Variants in NHSL2 observed in about 807,000 individuals in gnomAD.
NHSL2 encodes NHS like 2.
In NHSL2, 27 loss-of-function variants were observed where a neutral mutation model predicts 53.4. The ratio of observed to expected loss-of-function variants is 0.51; its 90% CI spans 0.37 to 0.70. The LOEUF (loss-of-function observed/expected upper bound fraction) is 0.70. Among genes scored for constraint, NHSL2 ranks in the 30% least tolerant of loss-of-function variants. NHSL2 has a pLI of 0.00. For missense variants in NHSL2, 892 were observed against 980.1 expected (o/e 0.91, Z 1.20); for synonymous variants, 408 against 404.1 (o/e 1.01, Z -0.12).
At chrX:71,944,306 G>A (rs2041782437) in intron 1 of NHSL2, among the ~76,000 whole-genome samples, 1 of 112,432 alleles carries the variant, frequency 8.9e-6, no homozygotes, top group Admixed American at 9.4e-5. Flanking sequence ...CAAGGAAGAA[G>A]GTGCAGAGGA....
intron 1 of NHSL2, among the ~76,000 whole-genome samples, chrX:72,062,256 G>A (rs994581391): frequency 1.8e-5 from 2 of 112,154 alleles, no homozygotes; most frequent in Non-Finnish European, 3.8e-5. Flanking sequence ...TGGATATATC[G>A]TCTATTAGGG....
intron 1 of NHSL2, among the ~76,000 whole-genome samples, chrX:72,061,664 T>G (rs2042399788): frequency 8.9e-6 from 1 of 112,056 alleles, no homozygotes; most frequent in Admixed American, 9.5e-5. Context: ...TTGCTTAAAA[T>G]GCTCTAATGG....
chrX:72,098,252 G>C (rs1000787031), intron 1 of NHSL2, among the ~76,000 whole-genome samples: 8 of 111,912 alleles, frequency 7.1e-5, no homozygotes, highest in African/African-American at 2.6e-4. Flanking sequence ...GAAAGAGAAG[G>C]TTTGGAAAGA....
In NHSL2 at chrX:72,049,015, G is replaced by GAAGAAGAAGAAGAAGAAGAAGAA. The variant is rs766144046; in HGVS notation, c.281-83064_281-83063insAAGAAGAAGAAGAAGAAGAAGAA. Among the ~76,000 whole-genome samples, 712 of 82,507 alleles carry GAAGAAGAAGAAGAAGAAGAAGAA rather than the reference G, an allele frequency of 8.6e-3. 21 individuals carry two copies. Among genetic ancestry groups the GAAGAAGAAGAAGAAGAAGAAGAA allele is most frequent in the African/African-American group, 0.044 (578 of 13,135 alleles). The allele number at this position is 82,507 out of a possible 115,157, so 71.6% of individuals were successfully genotyped here. ...AAGAAGAAGAAGAAGAAGAAGAAGA[G>GAAGAAGAAGAAGAAGAAGAAGAA]GAAGAGGAAGAGGAAGAGGAAGAGG... On this transcript the variant is annotated intron_variant, in intron 1 of 7. Transcript: ENST00000633930.
chrX:72,064,545 G>A (rs1055981242), intron 1 of NHSL2, among the ~76,000 whole-genome samples: 5 of 112,184 alleles, frequency 4.5e-5, no homozygotes, highest in African/African-American at 1.3e-4. Context: ...GGTAGTTCTT[G>A]TCCCAGCTCT....
chrX:71,957,450 T>TA (rs1295520563), intron 1 of NHSL2, among the ~76,000 whole-genome samples: 8 of 112,202 alleles, frequency 7.1e-5, no homozygotes, highest in Admixed American at 2.8e-4. Flanking sequence ...GTATTTTTAG[T>TA]AGAGATGGGG....
At chrX:71,941,284 A>G (rs2041764631) in intron 1 of NHSL2, among the ~76,000 whole-genome samples, 1 of 111,878 alleles carries the variant, frequency 8.9e-6, no homozygotes, top group African/African-American at 3.3e-5. Context: ...GAGTGATTCT[A>G]TGGGTCATTG....
intron 1 of NHSL2, among the ~76,000 whole-genome samples, chrX:71,959,884 C>T (rs1192726350): frequency 9.0e-6 from 1 of 111,535 alleles, no homozygotes; most frequent in Admixed American, 9.5e-5. Context: ...GTTGATAGAC[C>T]TTTACATTGA....
chrX:71,913,666 G>A (rs752135953), intron 1 of NHSL2, among the ~76,000 whole-genome samples: 4 of 111,967 alleles, frequency 3.6e-5, no homozygotes, highest in African/African-American at 6.5e-5. Context: ...AACCTGGGAA[G>A]GTGGGAGGAA....
At chrX:72,029,603 C>T (rs1224827495) in intron 1 of NHSL2, among the ~76,000 whole-genome samples, 1 of 113,039 alleles carries the variant, frequency 8.8e-6, no homozygotes, top group Non-Finnish European at 1.9e-5. Context: ...ACTGCCCACT[C>T]CTGCAGGTAG....
chrX:72,081,253 G>A (rs927252460), intron 1 of NHSL2, among the ~76,000 whole-genome samples: 1 of 112,338 alleles, frequency 8.9e-6, no homozygotes, highest in Admixed American at 9.4e-5. Flanking sequence ...CTGGATGATG[G>A]GAGTAGATGC....
At position 71,912,745 on chromosome X, in the gene NHSL2, C is replaced by T. The variant is rs12391766; in HGVS notation, c.280+1378C>T. Among the ~76,000 whole-genome samples, 284 of 112,102 alleles carry T rather than the reference C, an allele frequency of 2.5e-3. 2 individuals carry two copies. Among genetic ancestry groups the T allele is most frequent in the African/African-American group, 8.8e-3 (271 of 30,857 alleles). ...AGGGGCTCAGTTTTTTGCTGGGGTC[C>T]CACTGATTACAGGATTAGTCTAGGA... is the stretch of plus-strand genomic sequence containing the variant. On this transcript the variant is annotated intron_variant, in intron 1 of 7. Coordinates refer to ENST00000633930, the MANE Select transcript of NHSL2 (RefSeq NM_001013627.3).
chrX:72,069,551 C>A (rs1325592842), intron 1 of NHSL2: 8 of 421,745 alleles, frequency 1.9e-5, no homozygotes, highest in Non-Finnish European at 2.4e-5. Context: ...GTGTGAGAAG[C>A]AAAGCTGAGG....
chrX:72,131,553 A>G (rs1483369308), intron 1 of NHSL2: 1 of 1,160,409 alleles, frequency 8.6e-7, no homozygotes, highest in African/African-American at 1.8e-5. Flanking sequence ...CGACAAGCCC[A>G]GGGGCCCTGG....
At chrX:71,941,942 T>C (rs1036186473) in intron 1 of NHSL2, among the ~76,000 whole-genome samples, 22 of 111,398 alleles carry the variant, frequency 2.0e-4, no homozygotes, top group African/African-American at 7.2e-4. Context: ...GGTCTGCTCA[T>C]TGTCAGCTTG....
chrX:72,069,592 AGAGGAGGAGGAGGAGGAGTAGGAG>A (rs2042453930), intron 1 of NHSL2: 1 of 657,646 alleles, frequency 1.5e-6, no homozygotes, highest in Non-Finnish European at 2.0e-6. Flanking sequence ...GAGCACAGGC[AGAGGAGGAGGAGGAGGAGTAGGAG>A]GAGGAGGAGG....
chrX:72,019,229 G>A (rs1257446596), intron 1 of NHSL2, among the ~76,000 whole-genome samples: 1 of 112,459 alleles, frequency 8.9e-6, no homozygotes, highest in Non-Finnish European at 1.9e-5. Flanking sequence ...AAGCTTTCGG[G>A]TGACCAGGGT....
intron 1 of NHSL2, among the ~76,000 whole-genome samples, chrX:72,101,250 T>C (rs2041990551): frequency 1.8e-5 from 2 of 109,867 alleles, no homozygotes; most frequent in African/African-American, 6.7e-5. Context: ...ATGGTAAGCA[T>C]GGGCTCAATT....
intron 1 of NHSL2, among the ~76,000 whole-genome samples, chrX:72,015,969 A>T (rs2042134163): frequency 8.9e-6 from 1 of 112,433 alleles, no homozygotes; most frequent in Admixed American, 9.4e-5. Context: ...TGCCTAAAAA[A>T]AAATTATTCT....
Sources: gnomAD v4.1 joint callset for allele counts (sites outside exome capture counted in the v4.1 genomes callset) on GRCh38, gnomAD v4.1.1 for gene constraint, MANE v1.5 for transcripts, NCBI Gene and HGNC (gene_info 2026-07-23, HGNC 2026-07-21) for gene names.